The following HHIPL1 variants were observed in gnomAD, a reference collection of about 807,000 sequenced individuals.
HHIPL1 encodes HHIP-like protein 1.
A neutral mutation model predicts 61.8 loss-of-function variants in HHIPL1; 43 were observed. That is an observed-to-expected ratio of 0.70 (90% confidence interval 0.55 to 0.90). HHIPL1 has a LOEUF of 0.90. Among genes scored for constraint, HHIPL1 ranks in the 40% least tolerant of loss-of-function variants. HHIPL1 has a pLI of 0.00. For missense variants in HHIPL1, 1,056 were observed against 1,157.7 expected, an observed-to-expected ratio of 0.91 and a Z score of 1.28; for synonymous variants, 482 against 515.8, an observed-to-expected ratio of 0.93 and a Z score of 0.89.
intron 5 of HHIPL1, among the ~76,000 whole-genome samples, chr14:99,661,415 G>GGA (rs1566813286): frequency 1.5e-4 from 9 of 59,922 alleles, no homozygotes; most frequent in South Asian, 1.4e-3. Context: ...GAGAGAGAGA[G>GGA]AGAAAAGAAG....
intron 8 of HHIPL1, among the ~76,000 whole-genome samples, chr14:99,673,445 G>A (rs1199887197): frequency 2.7e-5 from 4 of 148,094 alleles, no homozygotes; most frequent in African/African-American, 5.0e-5. Flanking sequence ...CCTTGTGATC[G>A]AAGTGTGTGC....
In HHIPL1 at chr14:99,668,740, G is replaced by A. The variant is rs111966632; in HGVS notation, c.1730+437G>A. 76 of 1,206,714 alleles carry A rather than the reference G, an allele frequency of 6.3e-5. No homozygotes were observed. The highest frequency in any genetic ancestry group is 4.5e-4 in the Middle Eastern group (2 of 4,432). The allele number at this position is 1,206,714 out of a possible 1,614,324, so 74.8% of individuals were successfully genotyped here. ...CCTGATCCCTGTGTGTCCCCGCCCC[G>A]TGCCTGCCCTTCCTCCTGTGGTCCA... is the stretch of plus-strand genomic sequence containing the variant. On this transcript the variant is annotated intron_variant, in intron 7 of 8. Coordinates refer to ENST00000330710, the MANE Select transcript of HHIPL1 (RefSeq NM_001127258.3). This position sits in a 1 kb window ranked among gnomAD's most constrained non-coding sequence, Gnocchi z 4.7.
rs779038259 is a variant in HHIPL1, at chr14:99,668,977, C to T, written c.1730+674C>T. 2 of 1,576,170 alleles carry T rather than the reference C, an allele frequency of 1.3e-6. No homozygotes were observed. Among genetic ancestry groups the T allele is most frequent in the South Asian group, 1.1e-5 (1 of 88,480 alleles). ...CCTGGGGCCCAGGGCCAGGGTGGGG[C>T]CCAGGCCACTGGCTCCAGAGCCCTG... On this transcript the variant is annotated intron_variant, in intron 7 of 8. Transcript: ENST00000330710. This position sits in a 1 kb window ranked among gnomAD's most constrained non-coding sequence, Gnocchi z 4.7.
chr14:99,642,626 C>T (rs1374204297), upstream of HHIPL1, among the ~76,000 whole-genome samples: 1 of 151,128 alleles, frequency 6.6e-6, no homozygotes, highest in Non-Finnish European at 1.5e-5. Context: ...CCTGGGTTCA[C>T]GCCATTCTCC....
Position 99,668,684 on chromosome 14 carries a change from A to G in HHIPL1, c.1730+381A>G, listed in dbSNP as rs970287836. ...CTGCACCCCCACACCCCAGCCCCCA[A>G]TTTGCCTCTGTGATGCCTCCCAGAT... On this transcript the variant is annotated intron_variant, in intron 7 of 8. Transcript: ENST00000330710. This position sits in a 1 kb window ranked among gnomAD's most constrained non-coding sequence, Gnocchi z 4.7. 10 of 413,538 alleles carry G rather than the reference A, an allele frequency of 2.4e-5. No homozygotes were observed. The highest frequency in any genetic ancestry group is 1.1e-4 in the Admixed American group (4 of 35,578). 25.6% of individuals were successfully genotyped at this position (413,538 alleles called of 1,614,324 possible).
In HHIPL1 at chr14:99,645,423, G is replaced by A; in HGVS notation, c.216G>A (p.Trp72Ter). Reference sequence around the variant, plus strand: ...CGAGCCGCGTGGACGCCGCCGAGTGGGCCGCGTGCGCCGGCTACGCGAGGG... The same window carrying A: ...CGAGCCGCGTGGACGCCGCCGAGTGAGCCGCGTGCGCCGGCTACGCGAGGG... ...ALASRVDAAE[W>*]AACAGYARDL... Residue 72 changes from tryptophan (W) to a stop codon, truncating the protein, a stop_gained, in exon 1 of 9, where the codon TGG (tryptophan) becomes TGA (stop). Transcript: ENST00000330710. LOFTEE classifies it high-confidence loss of function. The A allele has an allele frequency of 7.3e-7, 1 of 1,371,988 alleles. No homozygotes were observed. The highest frequency in any genetic ancestry group is 9.4e-7 in the Non-Finnish European group (1 of 1,067,240). The allele number at this position is 1,371,988 out of a possible 1,614,324, so 85.0% of individuals were successfully genotyped here.
the HHIPL1 span, among the ~76,000 whole-genome samples, chr14:99,633,209 G>A: frequency 0.79 from 120,517 of 152,110 alleles, 47,960 homozygotes; most frequent in East Asian, 0.96. Flanking sequence ...GATCCTGACA[G>A]AGCCACCCCA....
rs762168924 is a variant in HHIPL1 at position 99,678,352 on chromosome 14, C to T, written c.*2726C>T. On this transcript the variant is annotated 3_prime_UTR_variant, in exon 9 of 9. Coordinates refer to ENST00000330710, the MANE Select transcript of HHIPL1 (RefSeq NM_001127258.3). ...CTGTTATATGTAAATACTTGTTCCC[C>T]GATGCTGGAAAGAAATAGCACTAAA... The T allele has an allele frequency of 2.6e-5, 4 of 152,142 alleles. No individual in the cohort carries two copies. The highest frequency in any genetic ancestry group is 5.9e-5 in the Non-Finnish European group (4 of 68,026). The allele number at this position is 152,142 out of a possible 1,614,324, so 9.4% of individuals were successfully genotyped here. A position where few individuals can be genotyped will look rare whatever the true frequency, so the allele number is the denominator to read the frequency against.
rs566275180 is a variant in HHIPL1, at chr14:99,652,622, G to A, written c.654G>A (p.Val218=). 32 of 1,613,508 alleles carry A rather than the reference G, an allele frequency of 2.0e-5. No homozygotes were observed. In the South Asian group the frequency reaches 3.1e-4, roughly 16 times the overall value. ...TCGTGGCCGAGCAGGTGGGGCTGGTGTGGGCCTACCTGCCCGACCGCTCGA... is the reference window on the plus strand; with the variant it reads ...TCGTGGCCGAGCAGGTGGGGCTGGTATGGGCCTACCTGCCCGACCGCTCGA... ...RFFVAEQVGL[V]WAYLPDRSRL... is the part of the protein sequence containing the mutation. Residue 218 remains valine, a synonymous_variant, in exon 2 of 9, where the codon GTG becomes GTA. Transcript: ENST00000330710.
chr14:99,635,490 G>T, the HHIPL1 span, among the ~76,000 whole-genome samples: 3 of 152,140 alleles, frequency 2.0e-5, no homozygotes, highest in East Asian at 5.8e-4. Context: ...AGGAAAGTGG[G>T]GCTGGGCCTT....
the HHIPL1 span, among the ~76,000 whole-genome samples, chr14:99,631,062 T>TTCTC: frequency 8.2e-6 from 1 of 122,214 alleles, no homozygotes; most frequent in Non-Finnish European, 1.7e-5. Flanking sequence ...CTTTCTTTCT[T>TTCTC]TCTTTCTTTC....
the HHIPL1 span, among the ~76,000 whole-genome samples, chr14:99,637,200 GGAAGA>G: frequency 0.056 from 5,831 of 103,482 alleles, 170 homozygotes; most frequent in Middle Eastern, 0.082. Context: ...AAGAAAGAAA[GGAAGA>G]AAGAAAGAAA....
chr14:99,607,192 CTA>C, the HHIPL1 span, among the ~76,000 whole-genome samples: 1 of 151,850 alleles, frequency 6.6e-6, no homozygotes, highest in Non-Finnish European at 1.5e-5. Flanking sequence ...CCATGCCTGG[CTA>C]TTTTCTTTTC....
chr14:99,611,849 G>A, the HHIPL1 span, among the ~76,000 whole-genome samples: 1 of 152,068 alleles, frequency 6.6e-6, no homozygotes, highest in Non-Finnish European at 1.5e-5. Context: ...GAGAATGTCA[G>A]GGTCACACAG....
the HHIPL1 span, among the ~76,000 whole-genome samples, chr14:99,607,923 A>G: frequency 6.6e-6 from 1 of 152,174 alleles, no homozygotes; most frequent in African/African-American, 2.4e-5. Flanking sequence ...AAATGGGAAT[A>G]TATATATACA....
chr14:99,645,259 G>T lies in HHIPL1; in HGVS notation c.52G>T (p.Ala18Ser). The T allele has an allele frequency of 7.2e-7, 1 of 1,397,236 alleles. No individual in the cohort carries two copies. Among genetic ancestry groups the T allele is most frequent in the Non-Finnish European group, 9.3e-7 (1 of 1,079,342 alleles). The allele number at this position is 1,397,236 out of a possible 1,614,324, so 86.6% of individuals were successfully genotyped here. The part of the protein sequence containing the change: ...ALLALWVLGA[A>S]AHPQCLDFRP... ...GCTGGCGCTTTGGGTGCTCGGGGCC[G>T]CCGCGCATCCGCAGTGCCTGGACTT... is the stretch of plus-strand genomic sequence containing the variant. Residue 18 changes from alanine (A) to serine (S), a missense_variant, in exon 1 of 9, where the codon GCC becomes TCC. Transcript: ENST00000330710.
At position 99,678,489 on chromosome 14, in the gene HHIPL1, A is replaced by G. The variant is rs978304230; in HGVS notation, c.*2863A>G. On this transcript the variant is annotated 3_prime_UTR_variant, in exon 9 of 9. Transcript: ENST00000330710. ...TGAACAAAGGAGGGAAGCAATTGTT[A>G]GCCCTTATGCAGTTTGTCCCTGCTA... 1.3e-5 allele frequency: 2 copies of G among 152,272 alleles called. No individual in the cohort carries two copies. The highest frequency in any genetic ancestry group is 6.5e-5 in the Admixed American group (1 of 15,292). The allele number at this position is 152,272 out of a possible 1,614,324, so 9.4% of individuals were successfully genotyped here.
At chr14:99,670,042 T>C (rs1264690295) in intron 7 of HHIPL1, among the ~76,000 whole-genome samples, 3 of 152,198 alleles carry the variant, frequency 2.0e-5, no homozygotes, top group East Asian at 1.9e-4. Context: ...ATTACCATAG[T>C]GTACATGTCA....
chr14:99,606,418 GCA>G, the HHIPL1 span, among the ~76,000 whole-genome samples: 2,146 of 152,336 alleles, frequency 0.014, 43 homozygotes, highest in African/African-American at 0.049. Context: ...TGAAGCCTGT[GCA>G]CAGAGTTGCT....
Sources: gnomAD v4.1 joint callset for allele counts (sites outside exome capture counted in the v4.1 genomes callset) on GRCh38, gnomAD v4.1.1 for gene constraint, Gnocchi (gnomAD v3.1) non-coding constraint, MANE v1.5 for transcripts, NCBI Gene and HGNC (gene_info 2026-07-23, HGNC 2026-07-21) for gene names.